PPP4R3A: variants seen among roughly 807,000 people sequenced by gnomAD.
The protein encoded by PPP4R3A is protein phosphatase 4 regulatory subunit 3A.
In PPP4R3A, 15 loss-of-function variants were observed where a neutral mutation model predicts 91.7. The ratio of observed to expected loss-of-function variants is 0.16; its 90% CI spans 0.11 to 0.25. The LOEUF (loss-of-function observed/expected upper bound fraction) is 0.25, where lower values mean the gene tolerates loss of function less well. Among genes scored for constraint, PPP4R3A ranks in the 10% least tolerant of loss-of-function variants. The pLI, the probability that PPP4R3A is intolerant of heterozygous loss-of-function variation, is 1.00. For missense variants in PPP4R3A, 623 were observed against 998.4 expected (o/e 0.62, Z 5.07); for synonymous variants, 377 against 348.7 (o/e 1.08, Z -0.91).
At chr14:91,480,763 T>C (rs1485294529) in intron 4 of PPP4R3A, among the ~76,000 whole-genome samples, 2 of 152,166 alleles carry the variant, frequency 1.3e-5, no homozygotes, top group African/African-American at 4.8e-5. Context: ...TAGTTGAGTA[T>C]GGTGGCTCAC....
intron 1 of PPP4R3A, among the ~76,000 whole-genome samples, chr14:91,502,442 A>G (rs1891026192): frequency 6.6e-6 from 1 of 152,188 alleles, no homozygotes; most frequent in Admixed American, 6.5e-5. Context: ...CAAACTTTTC[A>G]AAGTGAAATA....
intron 1 of PPP4R3A, among the ~76,000 whole-genome samples, chr14:91,497,218 G>A (rs1402767249): frequency 1.3e-5 from 2 of 152,060 alleles, no homozygotes; most frequent in African/African-American, 2.4e-5. Flanking sequence ...GTTATGTCTA[G>A]TGGAACTCAA....
Position 91,462,224 on chromosome 14 carries a change from C to T in PPP4R3A, c.1989G>A (p.Leu663=). 1 of 1,589,074 alleles carries T rather than the reference C, an allele frequency of 6.3e-7. No individual in the cohort carries two copies. ...NPKLDSMRSI[L]RNHRYRRDAR... is the part of the protein sequence containing the mutation. ...CATCTCTTCGATATCTGTGATTCCT[C>T]AAAATGGAACGCATACTATGAGTAG... Residue 663 remains leucine (L), a synonymous_variant, in exon 13 of 15, where the codon TTG becomes TTA. Transcript: ENST00000554943.
chr14:91,463,328 G>C (rs1888276635), intron 11 of PPP4R3A, among the ~76,000 whole-genome samples: 1 of 152,068 alleles, frequency 6.6e-6, no homozygotes, highest in Admixed American at 6.5e-5. Flanking sequence ...GCCTCCCAAA[G>C]TGCTGGGATT....
chr14:91,460,338 G>A (rs1358987740), intron 14 of PPP4R3A, among the ~76,000 whole-genome samples: 1 of 151,864 alleles, frequency 6.6e-6, no homozygotes, highest in Non-Finnish European at 1.5e-5. Context: ...TCGATGCTAA[G>A]GGAAAAATTC....
At position 91,490,765 on chromosome 14, in the gene PPP4R3A, A is replaced by G. The variant is rs1313753988; in HGVS notation, c.180T>C (p.Thr60=). Residue 60 remains threonine (T), a synonymous_variant, in exon 2 of 15, where the codon ACT becomes ACC. Coordinates refer to ENST00000554943, the MANE Select transcript of PPP4R3A (RefSeq NM_001366432.2). ...ATTTTACCTGTTGTTTCTGGTATGCAGTGTTAGGATTTATTTTCGACTCTA... is the reference window on the plus strand; with the variant it reads ...ATTTTACCTGTTGTTTCTGGTATGCGGTGTTAGGATTTATTTTCGACTCTA... ...LLLESKINPN[T]AYQKQQDTLI... is the part of the protein sequence containing the mutation. The G allele has an allele frequency of 6.2e-7, 1 of 1,610,010 alleles. No individual in the cohort carries two copies.
intron 1 of PPP4R3A, among the ~76,000 whole-genome samples, chr14:91,497,981 T>C (rs1001848131): frequency 2.0e-5 from 3 of 152,204 alleles, no homozygotes; most frequent in South Asian, 4.1e-4. Context: ...TGCCAAAGAC[T>C]GAATGCAGAA....
chr14:91,489,145 G>A (rs1376129464), intron 2 of PPP4R3A, among the ~76,000 whole-genome samples: 4 of 152,022 alleles, frequency 2.6e-5, no homozygotes, highest in Non-Finnish European at 4.4e-5. Context: ...CTGACCTCAT[G>A]ATCCGCCTGC....
Position 91,481,733 on chromosome 14 carries a change from G to A in PPP4R3A, c.758C>T (p.Ser253Leu). The change falls in exon 4 of 15, where the codon TCA becomes TTA. Residue 253 changes from serine to leucine, a missense_variant. This residue lies in a region of PPP4R3A where 264 missense variants were observed against 377.3 expected (regional missense o/e 0.70). Transcript: ENST00000554943. ...AATTTTTTGTTTCAGCTCAGGATCT[G>A]ATATGGGAATCACTTCTTTAAACTT... ...TAKFKEVIPI[S>L]DPELKQKIHQ... 1 of 1,614,086 alleles carries A rather than the reference G, an allele frequency of 6.2e-7. No homozygotes were observed. Among genetic ancestry groups the A allele is most frequent in the South Asian group, 1.1e-5 (1 of 91,066 alleles).
chr14:91,476,976 T>G lies in PPP4R3A; in HGVS notation c.926A>C (p.Lys309Thr). Residue 309 changes from lysine to threonine, a missense_variant, in exon 5 of 15, where the codon AAA becomes ACA. Physicochemically the swap from Lys to Thr is moderately conservative, Grantham distance 78. Coordinates refer to ENST00000554943, the MANE Select transcript of PPP4R3A (RefSeq NM_001366432.2). ...EIVGMLQEDEKFLTDLFAQLT... is the reference protein window; with the variant it reads ...EIVGMLQEDETFLTDLFAQLT... ...TTGTGCAAACAAATCTGTCAGAAAT[T>G]TTTCATCTTCCTGTGAAACAAAGGA... 6.2e-7 allele frequency: 1 copy of G among 1,600,394 alleles called. No individual in the cohort carries two copies. Among genetic ancestry groups the G allele is most frequent in the Non-Finnish European group, 8.5e-7 (1 of 1,172,156 alleles).
chr14:91,494,476 T>C (rs1292619327), intron 1 of PPP4R3A, among the ~76,000 whole-genome samples: 1 of 152,130 alleles, frequency 6.6e-6, no homozygotes, highest in Non-Finnish European at 1.5e-5. Flanking sequence ...GGCAATGAAT[T>C]TGAATAGAAA....
intron 7 of PPP4R3A, 95 bp downstream of exon 7, chr14:91,475,716 C>T (rs773062497): frequency 7.1e-6 from 9 of 1,265,644 alleles, no homozygotes. Flanking sequence ...CTACACTTTT[C>T]CCAAACAGCA....
intron 1 of PPP4R3A, among the ~76,000 whole-genome samples, chr14:91,507,451 GTATA>G (rs1401782005): frequency 3.7e-5 from 4 of 109,162 alleles, no homozygotes; most frequent in African/African-American, 1.1e-4. Flanking sequence ...ATACTATATA[GTATA>G]TATACTATAA....
intron 12 of PPP4R3A, among the ~76,000 whole-genome samples, chr14:91,462,501 C>CTTTTTTTTTT (rs10718143): frequency 7.1e-6 from 1 of 139,942 alleles, no homozygotes. Context: ...ACTGTTTGGT[C>CTTTTTTTTTT]TTTTTTTTTT....
intron 9 of PPP4R3A, among the ~76,000 whole-genome samples, chr14:91,472,810 T>G (rs1470079825): frequency 1.9e-5 from 2 of 102,790 alleles, no homozygotes; most frequent in Non-Finnish European, 4.1e-5. Flanking sequence ...TTCTCCAGGT[T>G]GCTTTTGATA....
At chr14:91,494,498 C>G (rs369413271) in intron 1 of PPP4R3A, among the ~76,000 whole-genome samples, 2 of 152,122 alleles carry the variant, frequency 1.3e-5, no homozygotes, top group South Asian at 4.2e-4. Flanking sequence ...TTATCCAAAA[C>G]GGATATACAA....
In PPP4R3A at chr14:91,490,900, ATTTT is replaced by A. The variant is rs36126220; in HGVS notation, c.143-102_143-99del. 138 of 278,774 alleles carry A rather than the reference ATTTT, an allele frequency of 5.0e-4. 6 individuals are homozygous for A. Among genetic ancestry groups the A allele is most frequent in the East Asian group, 3.7e-3 (41 of 10,952 alleles). 17.3% of individuals were successfully genotyped at this position (278,774 alleles called of 1,614,324 possible). On this transcript the variant is annotated intron_variant, in intron 1 of 14. Transcript: ENST00000554943. ...TATTTCCTTAAAAAAAATAATAATA[ATTTT>A]TTTTTTTTTTTTTTTAATGAGACAG...
Position 91,509,733 on chromosome 14 carries a change from G to A in PPP4R3A, c.-86C>T, listed in dbSNP as rs530790401. On this transcript the variant is annotated 5_prime_UTR_variant, in exon 1 of 15. Transcript: ENST00000554943. ...GAGAGGCGAGGGGCGAGGCGTGAGG[G>A]CGCCCGCGAGCGGAGGGCTCCCCGG... The A allele has an allele frequency of 3.8e-5, 53 of 1,395,568 alleles. No homozygotes were observed. In the Admixed American group the frequency reaches 1.5e-3, roughly 39 times the overall value. 86.4% of individuals were successfully genotyped at this position (1,395,568 alleles called of 1,614,324 possible).
At chr14:91,491,140 C>T (rs939263357) in intron 1 of PPP4R3A, among the ~76,000 whole-genome samples, 1 of 152,016 alleles carries the variant, frequency 6.6e-6, no homozygotes, top group East Asian at 1.9e-4. Context: ...CTCCTGACCT[C>T]AGGTGATCCA....
Sources: gnomAD v4.1 joint callset for allele counts (sites outside exome capture counted in the v4.1 genomes callset) on GRCh38, gnomAD v4.1.1 for gene constraint, gnomAD v4.1.1 regional missense constraint, MANE v1.5 for transcripts, NCBI Gene and HGNC (gene_info 2026-07-23, HGNC 2026-07-21) for gene names.